Variants in KTN1 observed in about 807,000 individuals in gnomAD.
The protein encoded by KTN1 is kinectin.
KTN1 carries 130 observed loss-of-function variants against 222.5 expected under a neutral mutation model. The observed-to-expected ratio is 0.58, with a 90% CI of 0.51 to 0.68. The LOEUF (loss-of-function observed/expected upper bound fraction) is 0.68, where lower values mean the gene tolerates loss of function less well. KTN1 is among the 30% of genes least tolerant of loss of function. The pLI is 0.00. For synonymous variants in KTN1, 512 were observed against 496.3 expected (o/e 1.03, Z -0.42); for missense variants, 1,508 against 1,500.4 (o/e 1.01, Z -0.08).
chr14:55,657,981 CTTAT>C (rs2043682222), intron 29 of KTN1, among the ~76,000 whole-genome samples: 1 of 151,302 alleles, frequency 6.6e-6, no homozygotes, highest in African/African-American at 2.5e-5. Flanking sequence ...GTTTGTTTAG[CTTAT>C]TTAGTGTAAC....
chr14:55,594,802 A>G (rs562608229), intron 1 of KTN1, among the ~76,000 whole-genome samples: 65 of 152,364 alleles, frequency 4.3e-4, no homozygotes, highest in African/African-American at 1.5e-3. Flanking sequence ...TACATAAAAT[A>G]TAATGTAGTA....
chr14:55,672,201 T>C (rs1258084084), intron 37 of KTN1: 1 of 240,362 alleles, frequency 4.2e-6, no homozygotes, highest in Non-Finnish European at 7.9e-6. Flanking sequence ...AATATAGAAT[T>C]CAAGAAAAAG....
Position 55,628,087 on chromosome 14 carries a change from T to G in KTN1, c.1080+59T>G, listed in dbSNP as rs1007982440. 68 of 1,036,772 alleles carry G rather than the reference T, an allele frequency of 6.6e-5. No homozygotes were observed. The South Asian group carries it at 8.2e-4, about 13-fold the overall frequency. 64.2% of individuals were successfully genotyped at this position (1,036,772 alleles called of 1,614,324 possible). On this transcript the variant is annotated intron_variant, in intron 6 of 43. Coordinates refer to ENST00000395314, the MANE Select transcript of KTN1 (RefSeq NM_001079521.2). ...CCCAAATCAGAAGCAACAAAAGATT[T>G]TAGAAATTGTCCATAATCAGTAGTT... is the stretch of plus-strand genomic sequence containing the variant.
intron 34 of KTN1, 150 bp downstream of exon 34, chr14:55,667,480 A>G (rs2044930576): frequency 2.1e-6 from 1 of 475,738 alleles, no homozygotes; most frequent in Non-Finnish European, 3.6e-6. Context: ...GTAAAGATTA[A>G]TAACTTGGTT....
intron 1 of KTN1, among the ~76,000 whole-genome samples, chr14:55,609,318 G>A (rs1408421645): frequency 3.3e-5 from 5 of 152,072 alleles, no homozygotes; most frequent in Admixed American, 2.6e-4. Flanking sequence ...TGTCCCTGCC[G>A]AGGACATGAT....
At chr14:55,619,105 A>C in intron 4 of KTN1, 77 bp from the exon 5 acceptor site, 2 of 1,198,746 alleles carry the variant, frequency 1.7e-6, no homozygotes, top group South Asian at 2.7e-5. Flanking sequence ...TGAATTCTTC[A>C]TGCTTACCTT....
At chr14:55,584,807 G>A (rs2032598648) in intron 1 of KTN1, among the ~76,000 whole-genome samples, 1 of 152,106 alleles carries the variant, frequency 6.6e-6, no homozygotes, top group Non-Finnish European at 1.5e-5. Context: ...CTAGCACATA[G>A]CAGGTCCTCA....
chr14:55,652,216 C>T (rs2042989878), intron 25 of KTN1, among the ~76,000 whole-genome samples: 1 of 152,116 alleles, frequency 6.6e-6, no homozygotes, highest in East Asian at 1.9e-4. Flanking sequence ...TGGTATCTTC[C>T]ACATCCAGAT....
At chr14:55,604,513 T>A (rs2036453321) in intron 1 of KTN1, among the ~76,000 whole-genome samples, 1 of 152,166 alleles carries the variant, frequency 6.6e-6, no homozygotes, top group Admixed American at 6.5e-5. Context: ...TTAATGACTG[T>A]CCACATCTTC....
chr14:55,671,593 G>A lies in KTN1; in HGVS notation c.3376G>A (p.Asp1126Asn). Residue 1126 changes from aspartate to asparagine, a missense_variant, in exon 36 of 44, where the codon GAT (aspartate) becomes AAT (asparagine). Physicochemically the swap from Asp to Asn is conservative, Grantham distance 23 (BLOSUM62 1). Coordinates refer to ENST00000395314, the MANE Select transcript of KTN1 (RefSeq NM_001079521.2). ...KVLEHKLKEA[D>N]EMHTLLQLEC... is the part of the protein sequence containing the mutation. Reference sequence around the variant, plus strand: ...TCTAGAGCACAAGTTGAAAGAAGCTGATGAAATGCACACATTGTTACAGCT... The same window carrying A: ...TCTAGAGCACAAGTTGAAAGAAGCTAATGAAATGCACACATTGTTACAGCT... 3.1e-6 allele frequency: 5 copies of A among 1,612,448 alleles called. No individual in the cohort carries two copies. Among genetic ancestry groups the A allele is most frequent in the Non-Finnish European group, 4.2e-6 (5 of 1,179,418 alleles).
intron 9 of KTN1, among the ~76,000 whole-genome samples, chr14:55,634,999 T>G (rs1417217397): frequency 6.6e-6 from 1 of 152,124 alleles, no homozygotes; most frequent in Non-Finnish European, 1.5e-5. Context: ...CCACGTGGTC[T>G]CTCCCTTGAC....
intron 1 of KTN1, among the ~76,000 whole-genome samples, chr14:55,606,443 T>C (rs541968329): frequency 1.3e-3 from 197 of 152,306 alleles, no homozygotes; most frequent in African/African-American, 4.5e-3. Flanking sequence ...GTTAAGTTTT[T>C]GCTAATGGTT....
chr14:55,637,923 C>A, intron 12 of KTN1, 76 bp downstream of exon 12: 1 of 1,056,110 alleles, frequency 9.5e-7, no homozygotes, highest in Non-Finnish European at 1.4e-6. Flanking sequence ...CTGTTGAGTG[C>A]CAATTACTGG....
intron 43 of KTN1, chr14:55,680,759 T>G (rs2046298982): frequency 1.5e-6 from 2 of 1,296,090 alleles, no homozygotes; most frequent in Admixed American, 1.9e-5. Flanking sequence ...ATCTCTAACA[T>G]GACTTTCCAT....
chr14:55,654,927 C>T (rs562167470), intron 28 of KTN1, among the ~76,000 whole-genome samples: 1 of 152,214 alleles, frequency 6.6e-6, no homozygotes, highest in African/African-American at 2.4e-5. Context: ...TTTACCTTTT[C>T]CAGAATATCG....
At chr14:55,599,686 A>C (rs939517152) in intron 1 of KTN1, among the ~76,000 whole-genome samples, 1 of 152,138 alleles carries the variant, frequency 6.6e-6, no homozygotes, top group Non-Finnish European at 1.5e-5. Flanking sequence ...CATGTTGGCC[A>C]GGTGGTTCTC....
chr14:55,647,961 A>T, intron 19 of KTN1, 64 bp from the exon 20 acceptor site: 1 of 489,368 alleles, frequency 2.0e-6, no homozygotes, highest in East Asian at 5.5e-5. Context: ...AATAATAATT[A>T]TAATAATAAT....
intron 1 of KTN1, among the ~76,000 whole-genome samples, chr14:55,589,656 C>CTTTTTTTT (rs765755065): frequency 1.5e-4 from 15 of 102,092 alleles, no homozygotes; most frequent in East Asian, 6.5e-4. Context: ...CATCTGATTT[C>CTTTTTTTT]TTTTTTTTTT....
intron 32 of KTN1, chr14:55,663,103 C>A: frequency 2.6e-6 from 1 of 380,480 alleles, no homozygotes; most frequent in South Asian, 2.0e-5. Flanking sequence ...GGAATAAATA[C>A]CTCATGGGGT....
Sources: gnomAD v4.1 joint callset for allele counts (sites outside exome capture counted in the v4.1 genomes callset) on GRCh38, gnomAD v4.1.1 for gene constraint, MANE v1.5 for transcripts, NCBI Gene and HGNC (gene_info 2026-07-23, HGNC 2026-07-21) for gene names.